The following WDPCP variants were observed in gnomAD, a reference collection of about 807,000 sequenced individuals.
WDPCP encodes the protein WD repeat-containing and planar cell polarity effector protein fritz homolog.
In WDPCP, 71 loss-of-function variants were observed where a neutral mutation model predicts 93.1. The observed-to-expected ratio is 0.76, with a 90% CI of 0.63 to 0.93. The LOEUF is 0.93. Among genes scored for constraint, WDPCP ranks in the 40% least tolerant of loss-of-function variants. WDPCP has a pLI of 0.00. For missense variants in WDPCP, 844 were observed against 887.4 expected (o/e 0.95, Z 0.62); for synonymous variants, 315 against 315.0 (o/e 1.00, Z 0.00).
intron 2 of WDPCP, among the ~76,000 whole-genome samples, chr2:63,677,032 C>A (rs930359593): frequency 6.6e-6 from 1 of 152,222 alleles, no homozygotes; most frequent in Non-Finnish European, 1.5e-5. Flanking sequence ...AAAAACTACT[C>A]CCCCACAAAA....
intron 2 of WDPCP, among the ~76,000 whole-genome samples, chr2:63,807,206 C>T (rs966958273): frequency 6.6e-6 from 1 of 152,182 alleles, no homozygotes; most frequent in Non-Finnish European, 1.5e-5. Flanking sequence ...GTCTGGGGTC[C>T]CTGACTTCCC....
At chr2:63,472,173 C>CT (rs976872416) in intron 6 of WDPCP, among the ~76,000 whole-genome samples, 5 of 150,300 alleles carry the variant, frequency 3.3e-5, no homozygotes, top group Non-Finnish European at 5.9e-5. Context: ...TTTTTCTTTT[C>CT]TTTTTTTTTA....
chr2:63,185,236 G>T (rs953158975), intron 14 of WDPCP, among the ~76,000 whole-genome samples: 2 of 152,044 alleles, frequency 1.3e-5, no homozygotes, highest in South Asian at 2.1e-4. Flanking sequence ...TTTCCTTTTG[G>T]TCAGCATCCA....
intron 12 of WDPCP, among the ~76,000 whole-genome samples, chr2:63,346,022 G>A (rs770471314): frequency 5.3e-5 from 8 of 152,114 alleles, no homozygotes; most frequent in East Asian, 1.9e-4. Context: ...AGCACCTCTC[G>A]GATTGGATTA....
rs146678545 is a variant in WDPCP at position 63,327,221 on chromosome 2, G to C, written c.1749-13910C>G. Among the ~76,000 whole-genome samples, 473 of 152,224 alleles carry C rather than the reference G, an allele frequency of 3.1e-3. 2 individuals are homozygous for C. The highest frequency in any genetic ancestry group is 0.011 in the African/African-American group (466 of 41,538). ...GACTTAGGAAAATTGCCTAATAATT[G>C]ATCTGCTCAAACCTGCGAGTTGTTT... On this transcript the variant is annotated intron_variant, in intron 12 of 17. Transcript: ENST00000272321.
chr2:63,451,878 T>C (rs1046045540), intron 6 of WDPCP, among the ~76,000 whole-genome samples: 3 of 152,232 alleles, frequency 2.0e-5, no homozygotes, highest in Non-Finnish European at 4.4e-5. Flanking sequence ...GAAAAGGCCT[T>C]TGACAAAAGT....
chr2:63,503,352 T>C lies in WDPCP; in HGVS notation c.76-10412A>G, dbSNP rs995857618. On this transcript the variant is annotated intron_variant, in intron 1 of 17. Transcript: ENST00000272321. Reference sequence around the variant, plus strand: ...TTAATACAAACATCTTGTTTGCTAATGCTCATTTTAAATATTTTGCTGCAC... The same window carrying C: ...TTAATACAAACATCTTGTTTGCTAACGCTCATTTTAAATATTTTGCTGCAC... Among the ~76,000 whole-genome samples the C allele has an allele frequency of 1.1e-4, 17 of 152,350 alleles. No individual in the cohort carries two copies. In the South Asian group the frequency reaches 2.7e-3, roughly 24 times the overall value.
intron 14 of WDPCP, among the ~76,000 whole-genome samples, chr2:63,175,370 G>T (rs2104016171): frequency 6.6e-6 from 1 of 151,828 alleles, no homozygotes; most frequent in African/African-American, 2.4e-5. Flanking sequence ...ACATAATGAA[G>T]CTGTGAAAAA....
intron 6 of WDPCP, among the ~76,000 whole-genome samples, chr2:63,482,598 T>C (rs1175799116): frequency 2.0e-5 from 3 of 151,982 alleles, no homozygotes; most frequent in Admixed American, 6.6e-5. Flanking sequence ...TCTTTTGAAA[T>C]AGAACCTACA....
chr2:63,494,306 G>GACGACA (rs1318884090), intron 1 of WDPCP, among the ~76,000 whole-genome samples: 4 of 151,332 alleles, frequency 2.6e-5, no homozygotes, highest in East Asian at 1.9e-4. Context: ...CGACGACAAT[G>GACGACA]ATGATGACGA....
chr2:63,218,557 C>A (rs1232694742), intron 14 of WDPCP, among the ~76,000 whole-genome samples: 1 of 152,000 alleles, frequency 6.6e-6, no homozygotes, highest in Non-Finnish European at 1.5e-5. Flanking sequence ...TGAGACGGAG[C>A]CTCGCTCTGT....
intron 1 of WDPCP, among the ~76,000 whole-genome samples, chr2:63,495,472 G>A (rs1451649256): frequency 6.6e-6 from 1 of 152,128 alleles, no homozygotes. Context: ...TAAGTAAACT[G>A]CAGACTTTTC....
At chr2:63,520,613 C>T (rs558026072) in intron 1 of WDPCP, among the ~76,000 whole-genome samples, 1 of 152,236 alleles carries the variant, frequency 6.6e-6, no homozygotes, top group South Asian at 2.1e-4. Context: ...AATTTTCATC[C>T]AGGCGTGATG....
intron 1 of WDPCP, among the ~76,000 whole-genome samples, chr2:63,826,291 AG>A (rs1671112900): frequency 3.3e-5 from 5 of 152,148 alleles, no homozygotes; most frequent in African/African-American, 7.2e-5. Context: ...CCTCAGAATC[AG>A]GGTTCAAGAG....
chr2:63,123,765 C>G (rs1209001034), intron 17 of WDPCP, among the ~76,000 whole-genome samples: 1 of 151,522 alleles, frequency 6.6e-6, no homozygotes, highest in Non-Finnish European at 1.5e-5. Context: ...GAAAATTTAC[C>G]CATAGTCCTA....
At chr2:63,219,613 CCAA>C (rs1364172985) in intron 14 of WDPCP, among the ~76,000 whole-genome samples, 1 of 152,126 alleles carries the variant, frequency 6.6e-6, no homozygotes, top group African/African-American at 2.4e-5. Flanking sequence ...TATCTTGCTT[CCAA>C]CATTTTCTAT....
At chr2:63,179,551 C>G (rs922417772) in intron 14 of WDPCP, among the ~76,000 whole-genome samples, 5 of 151,980 alleles carry the variant, frequency 3.3e-5, no homozygotes, top group Non-Finnish European at 7.4e-5. Context: ...AGGAAAAGCT[C>G]CCTAAGGCCT....
chr2:63,144,143 T>A (rs1189442258), intron 17 of WDPCP, among the ~76,000 whole-genome samples: 22 of 152,176 alleles, frequency 1.4e-4, no homozygotes, highest in Admixed American at 1.4e-3. Context: ...ATTTTCTTCT[T>A]CTTTTTTCTT....
At chr2:63,378,961 T>C (rs1435073960) in intron 11 of WDPCP, among the ~76,000 whole-genome samples, 2 of 152,132 alleles carry the variant, frequency 1.3e-5, no homozygotes, top group Admixed American at 6.6e-5. Context: ...AACAGGCATA[T>C]TGGAGTAGAA....
Sources: allele counts gnomAD v4.1 joint callset (sites outside exome capture counted in the v4.1 genomes callset), GRCh38; gene constraint gnomAD v4.1.1; transcripts MANE v1.5; gene names NCBI Gene and HGNC (gene_info 2026-07-23, HGNC 2026-07-21).